ROBO2: variants seen among roughly 807,000 people sequenced by gnomAD.
The protein encoded by ROBO2 is roundabout homolog 2.
A neutral mutation model predicts 160.8 loss-of-function variants in ROBO2; 53 were observed. The observed-to-expected ratio is 0.33, with a 90% CI of 0.26 to 0.41. The LOEUF (loss-of-function observed/expected upper bound fraction) is 0.41. ROBO2 is among the 10% of genes least tolerant of loss of function. ROBO2 has a pLI of 1.00. For missense variants in ROBO2, 1,577 were observed against 1,722.4 expected (o/e 0.92, Z 1.49); for synonymous variants, 664 against 611.7 (o/e 1.09, Z -1.26).
chr3:75,956,598 A>G (rs938726321), intron 2 of ROBO2, among the ~76,000 whole-genome samples: 5 of 151,736 alleles, frequency 3.3e-5, no homozygotes, highest in African/African-American at 4.8e-5. Context: ...GGTCACTGAG[A>G]TGAGCCTGGA....
chr3:77,503,376 T>G (rs2087921556), intron 5 of ROBO2, among the ~76,000 whole-genome samples: 1 of 150,936 alleles, frequency 6.6e-6, no homozygotes, highest in Non-Finnish European at 1.5e-5. Flanking sequence ...ATACAAAAAA[T>G]TAGCCAGGCG....
intron 2 of ROBO2, among the ~76,000 whole-genome samples, chr3:76,220,959 A>G (rs1226875009): frequency 2.6e-5 from 4 of 152,158 alleles, no homozygotes; most frequent in Non-Finnish European, 5.9e-5. Flanking sequence ...TTCGTTTCTA[A>G]AAGGATGGGC....
chr3:76,737,105 G>A (rs2093725597), intron 2 of ROBO2, among the ~76,000 whole-genome samples: 1 of 152,068 alleles, frequency 6.6e-6, no homozygotes, highest in South Asian at 2.1e-4. Flanking sequence ...GTTTTTACGT[G>A]CAATAATTAT....
intron 2 of ROBO2, among the ~76,000 whole-genome samples, chr3:76,298,297 TA>T (rs1310743291): frequency 2.0e-5 from 3 of 152,158 alleles, no homozygotes; most frequent in Non-Finnish European, 4.4e-5. Flanking sequence ...TGGAGAGGGA[TA>T]GGGGTCTCTG....
intron 1 of ROBO2, among the ~76,000 whole-genome samples, chr3:77,095,567 G>A (rs558115773): frequency 4.6e-5 from 7 of 152,142 alleles, no homozygotes; most frequent in Non-Finnish European, 8.8e-5. Context: ...TGTGCATAGG[G>A]AGATTCATGG....
intron 2 of ROBO2, among the ~76,000 whole-genome samples, chr3:76,047,763 C>T (rs1037162448): frequency 1.3e-5 from 2 of 152,116 alleles, no homozygotes; most frequent in Non-Finnish European, 2.9e-5. Flanking sequence ...ATTCTTCAAC[C>T]CCAGTTAATT....
chr3:76,278,757 A>C (rs551274029), intron 2 of ROBO2, among the ~76,000 whole-genome samples: 2 of 152,070 alleles, frequency 1.3e-5, no homozygotes, highest in Admixed American at 1.3e-4. Context: ...ACATATCTTT[A>C]GGGGGAATAG....
intron 2 of ROBO2, among the ~76,000 whole-genome samples, chr3:76,082,306 G>C (rs2068862635): frequency 6.6e-6 from 1 of 152,052 alleles, no homozygotes; most frequent in Admixed American, 6.6e-5. Context: ...TAATGGATTG[G>C]GAAGAGGAAA....
chr3:76,631,269 T>C (rs1452469473), intron 2 of ROBO2, among the ~76,000 whole-genome samples: 2 of 152,204 alleles, frequency 1.3e-5, no homozygotes, highest in East Asian at 3.9e-4. Flanking sequence ...CAGTAGTTTA[T>C]GTAACAATGC....
chr3:76,062,584 C>T (rs2068105503), intron 2 of ROBO2, among the ~76,000 whole-genome samples: 1 of 152,058 alleles, frequency 6.6e-6, no homozygotes, highest in Non-Finnish European at 1.5e-5. Context: ...GCAACATATG[C>T]TTATATGAGG....
At chr3:77,420,052 T>G (rs2077576368) in intron 2 of ROBO2, among the ~76,000 whole-genome samples, 1 of 152,068 alleles carries the variant, frequency 6.6e-6, no homozygotes, top group South Asian at 2.1e-4. Context: ...GAACCATTGG[T>G]GTAGGTTTAA....
rs529567345 is a variant in ROBO2, at chr3:76,331,094, A to C, written c.109+393492A>C. ...ACTTCGAATGGAATAACTAAGATAT[A>C]GATTTTTTAATAAGTGTTTTGAGCC... On this transcript the variant is annotated intron_variant, in intron 2 of 26. Coordinates refer to the ROBO2 transcript ENST00000487694. Among the ~76,000 whole-genome samples the C allele has an allele frequency of 1.1e-4, 17 of 152,326 alleles. No individual in the cohort carries two copies. The South Asian group carries it at 3.5e-3, about 32-fold the overall frequency.
intron 23 of ROBO2, among the ~76,000 whole-genome samples, chr3:77,627,839 A>G (rs2095063361): frequency 6.6e-6 from 1 of 152,222 alleles, no homozygotes; most frequent in South Asian, 2.1e-4. Flanking sequence ...GTAATGCAAC[A>G]ATTAGCAGGG....
chr3:76,212,909 C>T (rs1703239321), intron 2 of ROBO2, among the ~76,000 whole-genome samples: 1 of 4,486 alleles, frequency 2.2e-4, no homozygotes, highest in African/African-American at 2.7e-4. Context: ...TCATGGTGTT[C>T]TTAGTTTCAC....
At chr3:77,624,596 C>T (rs993295629) in intron 23 of ROBO2, among the ~76,000 whole-genome samples, 2 of 152,138 alleles carry the variant, frequency 1.3e-5, no homozygotes, top group Non-Finnish European at 1.5e-5. Flanking sequence ...AGTTTAATGG[C>T]GCTGAATGAG....
intron 2 of ROBO2, among the ~76,000 whole-genome samples, chr3:76,579,522 A>G (rs956555676): frequency 1.3e-5 from 2 of 152,160 alleles, no homozygotes; most frequent in Non-Finnish European, 2.9e-5. Flanking sequence ...TCCACAACTA[A>G]TTCTACAGAA....
At chr3:76,551,905 T>C (rs1283353991) in intron 2 of ROBO2, among the ~76,000 whole-genome samples, 1 of 152,078 alleles carries the variant, frequency 6.6e-6, no homozygotes, top group Admixed American at 6.5e-5. Context: ...CACTGCTCCA[T>C]GAATGGCTCA....
intron 2 of ROBO2, among the ~76,000 whole-genome samples, chr3:76,515,557 G>A (rs2081310153): frequency 6.6e-6 from 1 of 151,236 alleles, no homozygotes; most frequent in African/African-American, 2.4e-5. Flanking sequence ...CCATTCAAAT[G>A]TGTACACATT....
intron 2 of ROBO2, among the ~76,000 whole-genome samples, chr3:76,500,685 T>G (rs2107635804): frequency 6.6e-6 from 1 of 152,294 alleles, no homozygotes; most frequent in African/African-American, 2.4e-5. Context: ...TCCACATTAC[T>G]CAAAAATCTA....
Sources: allele counts gnomAD v4.1 joint callset (sites outside exome capture counted in the v4.1 genomes callset), GRCh38; gene constraint gnomAD v4.1.1; transcripts MANE v1.5; gene names NCBI Gene and HGNC (gene_info 2026-07-23, HGNC 2026-07-21).